Variants in KANSL1 observed in about 807,000 individuals in gnomAD.
KANSL1 encodes the protein MLL1/MLL complex subunit KANSL1.
In KANSL1, 22 loss-of-function variants were observed where a neutral mutation model predicts 103.6. That is an observed-to-expected ratio of 0.21 (90% CI 0.15 to 0.30). The LOEUF (loss-of-function observed/expected upper bound fraction) is 0.30. Among genes scored for constraint, KANSL1 ranks in the 10% least tolerant of loss-of-function variants. KANSL1 has a pLI of 1.00. For missense variants in KANSL1, 1,337 were observed against 1,399.8 expected (o/e 0.96, Z 0.72); for synonymous variants, 600 against 527.6 (o/e 1.14, Z -1.88).
intron 6 of KANSL1, among the ~76,000 whole-genome samples, chr17:46,057,767 A>C (rs1460881012): frequency 6.6e-6 from 1 of 152,222 alleles, no homozygotes; most frequent in Non-Finnish European, 1.5e-5. Flanking sequence ...GGTAGAACCT[A>C]GGGAGTAGCT....
chr17:46,193,476 G>A (rs1281378864), upstream of KANSL1: 2 of 150,588 alleles, frequency 1.3e-5, no homozygotes. Context: ...GGGGAGGAGG[G>A]ACAGCAGCGC....
chr17:46,052,709 GGA>G (rs2077753970), intron 6 of KANSL1, among the ~76,000 whole-genome samples: 1 of 150,858 alleles, frequency 6.6e-6, no homozygotes, highest in African/African-American at 2.4e-5. Flanking sequence ...CTTTGAGGTG[GGA>G]GAGAGGATTG....
chr17:46,050,669 A>G lies in KANSL1; in HGVS notation c.1884T>C (p.Asp628=), dbSNP rs555234617. The part of the protein sequence containing the change: ...HRNSTIRPGC[D]VNPSCALCGS... ...CACACAGTGCGCAGGAGGGATTCACATCACAGCCAGGGCGGATTGTGCTGT... is the reference window on the plus strand; with the variant it reads ...CACACAGTGCGCAGGAGGGATTCACGTCACAGCCAGGGCGGATTGTGCTGT... Residue 628 remains aspartate, a synonymous_variant, in exon 7 of 15, where the codon GAT becomes GAC. Transcript: ENST00000432791. 1 of 1,614,170 alleles carries G rather than the reference A, an allele frequency of 6.2e-7. No individual in the cohort carries two copies. The highest frequency in any genetic ancestry group is 2.2e-5 in the East Asian group (1 of 44,886).
chr17:46,135,041 C>T (rs2044057254), intron 2 of KANSL1, among the ~76,000 whole-genome samples: 1 of 152,094 alleles, frequency 6.6e-6, no homozygotes, highest in Non-Finnish European at 1.5e-5. Flanking sequence ...TCTGGGTCTA[C>T]CTGATAGTCT....
chr17:46,078,867 A>C (rs1310926253), intron 4 of KANSL1, among the ~76,000 whole-genome samples: 2 of 152,224 alleles, frequency 1.3e-5, no homozygotes, highest in African/African-American at 4.8e-5. Context: ...TTCCAAGGGC[A>C]CACCCTCTTT....
chr17:46,157,598 A>G (rs2045498347), intron 2 of KANSL1, among the ~76,000 whole-genome samples: 1 of 152,270 alleles, frequency 6.6e-6, no homozygotes, highest in Non-Finnish European at 1.5e-5. Context: ...CTATCAAGTT[A>G]TCATTGAGAA....
At chr17:46,032,850 G>A (rs1230137886) in intron 13 of KANSL1, among the ~76,000 whole-genome samples, 1 of 152,182 alleles carries the variant, frequency 6.6e-6, no homozygotes, top group African/African-American at 2.4e-5. Flanking sequence ...GAATTACATA[G>A]TGACTTCTCA....
intron 6 of KANSL1, among the ~76,000 whole-genome samples, chr17:46,061,540 A>C (rs1415932623): frequency 6.6e-6 from 1 of 152,144 alleles, no homozygotes; most frequent in Non-Finnish European, 1.5e-5. Context: ...AATAAATAGC[A>C]ATATAGGCTA....
intron 1 of KANSL1, 84 bp from the exon 2 acceptor site, chr17:46,172,316 C>A (rs2046328350): frequency 1.4e-6 from 1 of 714,514 alleles, no homozygotes; most frequent in Non-Finnish European, 2.2e-6. Context: ...CTACTTGAGG[C>A]TGTTGTCTAA....
chr17:46,039,973 C>T lies in KANSL1; in HGVS notation c.2021-89G>A. Reference sequence around the variant, plus strand: ...TACACTCCATCCTCCTTTAATTTGCCCAGTGGCCTGACACTTGGCAGGGCA... The same window carrying T: ...TACACTCCATCCTCCTTTAATTTGCTCAGTGGCCTGACACTTGGCAGGGCA... On this transcript the variant is annotated intron_variant, in intron 7 of 14. Coordinates refer to ENST00000432791, the MANE Select transcript of KANSL1 (RefSeq NM_015443.4). 7 of 1,242,956 alleles carry T rather than the reference C, an allele frequency of 5.6e-6. No homozygotes were observed. In the South Asian group the frequency reaches 9.5e-5, roughly 17 times the overall value. The allele number at this position is 1,242,956 out of a possible 1,614,324, so 77.0% of individuals were successfully genotyped here.
At position 46,099,272 on chromosome 17, in the gene KANSL1, C is replaced by T. The variant is rs1484194512; in HGVS notation, c.1290-4571G>A. 1.8e-5 allele frequency among the ~76,000 whole-genome samples: 2 copies of T among 111,352 alleles called. 1 individual carries two copies. The highest frequency in any genetic ancestry group is 0.011 in the Middle Eastern group (2 of 190). The allele number at this position is 111,352 out of a possible 152,430, so 73.1% of individuals were successfully genotyped here. A position where few individuals can be genotyped will look rare whatever the true frequency, so the allele number is the denominator to read the frequency against. The stretch of plus-strand genomic sequence containing the variant: ...CCGGAAGGCGGAGCTTGCAGTGAGC[C>T]GAGATTGCGCCACTGCACTCTCGCC... On this transcript the variant is annotated intron_variant, in intron 2 of 14. Coordinates refer to ENST00000432791, the MANE Select transcript of KANSL1 (RefSeq NM_015443.4).
intron 2 of KANSL1, among the ~76,000 whole-genome samples, chr17:46,115,917 A>G (rs1245991733): frequency 6.6e-6 from 1 of 152,256 alleles, no homozygotes; most frequent in Non-Finnish European, 1.5e-5. Context: ...CACAGTAGTT[A>G]CCAATGTGAC....
At chr17:46,079,983 T>C (rs2078923399) in intron 4 of KANSL1, among the ~76,000 whole-genome samples, 1 of 135,580 alleles carries the variant, frequency 7.4e-6, no homozygotes, top group South Asian at 2.4e-4. Flanking sequence ...TCTAAAAAGA[T>C]GGAAAGAAAG....
chr17:46,033,304 C>A, intron 12 of KANSL1, 99 bp downstream of exon 12: 1 of 1,445,264 alleles, frequency 6.9e-7, no homozygotes, highest in African/African-American at 1.4e-5. Context: ...GCTTGCACTT[C>A]ACACCCACAA....
rs1555575830 is a variant in KANSL1, at chr17:46,171,582, G to A, written c.562C>T (p.Leu188Phe). 9 of 1,601,636 alleles carry A rather than the reference G, an allele frequency of 5.6e-6. No homozygotes were observed. Among genetic ancestry groups the A allele is most frequent in the South Asian group, 3.3e-5 (3 of 89,682 alleles). Residue 188 changes from leucine to phenylalanine, a missense_variant, in exon 2 of 15, where the codon CTT becomes TTT. Around this residue, in one of 2 missense-constraint regions of KANSL1, gnomAD observed 557 missense variants for 476.4 expected, o/e 1.17. Coordinates refer to ENST00000432791, the MANE Select transcript of KANSL1 (RefSeq NM_015443.4). ...GGKRALTSSALHGGEMGGSES... is the reference protein window; with the variant it reads ...GGKRALTSSAFHGGEMGGSES... ...GATCCTCCCATTTCACCCCCATGAA[G>A]AGCAGATGAAGTGAGAGCCCGTTTT...
chr17:46,189,090 G>A (rs1360080325), intron 1 of KANSL1, among the ~76,000 whole-genome samples: 2 of 131,326 alleles, frequency 1.5e-5, no homozygotes, highest in Non-Finnish European at 3.1e-5. Flanking sequence ...ATATGCTCCC[G>A]TTGCTCAACC....
chr17:46,038,869 TAAG>T, intron 9 of KANSL1, 155 bp downstream of exon 9: 1 of 1,135,678 alleles, frequency 8.8e-7, no homozygotes, highest in Non-Finnish European at 1.3e-6. Flanking sequence ...CTGTAGCAGT[TAAG>T]AAGTGACCTC....
chr17:46,059,945 G>A (rs55690782), intron 6 of KANSL1, among the ~76,000 whole-genome samples: 21,774 of 151,810 alleles, frequency 0.14, 2,127 homozygotes, highest in Non-Finnish European at 0.22. Context: ...GGGAGGGGAG[G>A]GGGACAAAAA....
At chr17:46,196,383 G>A (rs1458479893), upstream of KANSL1, 1 of 456,356 alleles carries the variant, frequency 2.2e-6, no homozygotes, top group South Asian at 1.5e-5. Context: ...GCCATGAGAT[G>A]TGAGTAGAAG....
Sources: allele counts gnomAD v4.1 joint callset (sites outside exome capture counted in the v4.1 genomes callset), GRCh38; gene constraint gnomAD v4.1.1; regional missense constraint gnomAD v4.1.1; transcripts MANE v1.5; gene names NCBI Gene and HGNC (gene_info 2026-07-23, HGNC 2026-07-21).